ACSF3: variants seen among roughly 807,000 people sequenced by gnomAD.
ACSF3 encodes acyl-CoA synthetase family member 3.
ACSF3 carries 78 observed loss-of-function variants against 53.2 expected under a neutral mutation model. That is an observed-to-expected ratio of 1.47 (90% confidence interval 1.22 to 1.77). ACSF3 has a LOEUF of 1.77. ACSF3 is among the 40% of genes most tolerant of loss of function. The probability of loss-of-function intolerance (pLI) is 0.00; values close to 1 mark genes in which losing one functional copy is unlikely to be tolerated. For synonymous variants in ACSF3, 414 were observed against 333.1 expected, an observed-to-expected ratio of 1.24 and a Z score of -2.65; for missense variants, 937 against 771.1, an observed-to-expected ratio of 1.22 and a Z score of -2.55.
At chr16:89,134,575 T>C (rs1910031771) in intron 8 of ACSF3, among the ~76,000 whole-genome samples, 1 of 152,058 alleles carries the variant, frequency 6.6e-6, no homozygotes. Flanking sequence ...GAGAGTGTAG[T>C]TGCAAGATTT....
chr16:89,132,713 T>C (rs1227417028), intron 7 of ACSF3, among the ~76,000 whole-genome samples: 2 of 152,268 alleles, frequency 1.3e-5, no homozygotes, highest in African/African-American at 4.8e-5. Flanking sequence ...CCCGCTGCTG[T>C]GTTCCCTGGT....
intron 4 of ACSF3, among the ~76,000 whole-genome samples, chr16:89,106,567 C>T (rs1008830260): frequency 3.3e-5 from 5 of 152,228 alleles, no homozygotes; most frequent in Non-Finnish European, 7.3e-5. Context: ...GCTGGGATTA[C>T]AGACGTAAGC....
At chr16:89,148,063 G>A (rs1469097438) in intron 10 of ACSF3, 1 of 151,808 alleles carries the variant, frequency 6.6e-6, no homozygotes, top group Non-Finnish European at 1.5e-5. Context: ...AACCTAGCAA[G>A]GCAGTCACTG....
At chr16:89,118,537 G>A (rs1905776695) in intron 6 of ACSF3, among the ~76,000 whole-genome samples, 1 of 146,774 alleles carries the variant, frequency 6.8e-6, no homozygotes, top group South Asian at 2.2e-4. Context: ...TGGCCTCGCT[G>A]CTCAGTGCAC....
intron 4 of ACSF3, among the ~76,000 whole-genome samples, chr16:89,106,102 G>A (rs1046125484): frequency 1.3e-5 from 2 of 152,192 alleles, no homozygotes; most frequent in Non-Finnish European, 2.9e-5. Context: ...GTCTGCCCAG[G>A]GATTTCTGCT....
At chr16:89,131,127 C>CTTTT (rs558773398) in intron 7 of ACSF3, among the ~76,000 whole-genome samples, 71 of 69,536 alleles carry the variant, frequency 1.0e-3, no homozygotes, top group Non-Finnish European at 1.2e-3. Context: ...TTTTCTTTTT[C>CTTTT]TTTTTTTTTT....
chr16:89,102,753 T>G lies in ACSF3; in HGVS notation c.816T>G (p.Pro272=), dbSNP rs1321795303. The change falls in exon 4 of 11, where the codon CCT becomes CCG. Residue 272 remains proline, a synonymous_variant. Coordinates refer to ENST00000614302, the MANE Select transcript of ACSF3 (RefSeq NM_001243279.3). ...GTGTGATGATGCCTGAGTTCAGCCC[T>G]CAGCAGGTGAGTTGGGGTCAGGGCT... is the stretch of plus-strand genomic sequence containing the variant. ...ATCVMMPEFS[P]QQVWEKFLSS... The G allele has an allele frequency of 6.2e-7, 1 of 1,612,510 alleles. No homozygotes were observed. The highest frequency in any genetic ancestry group is 8.5e-7 in the Non-Finnish European group (1 of 1,180,014).
chr16:89,112,088 G>C lies in ACSF3; in HGVS notation c.823-4G>C, dbSNP rs558325262. The C allele has an allele frequency of 3.0e-4, 482 of 1,613,918 alleles. 2 individuals carry two copies. Among genetic ancestry groups the C allele is most frequent in the South Asian group, 2.0e-3 (183 of 91,078 alleles). ...TCCTACCGAGTGCTTCCTTTCCTTC[G>C]TAGGTTTGGGAAAAGTTCTTAAGTT... On this transcript the variant is annotated splice_polypyrimidine_tract_variant and splice_region_variant and intron_variant, in intron 4 of 10. Transcript: ENST00000614302.
rs1374142112 is a variant in ACSF3 at position 89,138,065 on chromosome 16, A to G, written c.1366+4803A>G. Among the ~76,000 whole-genome samples, 6 of 152,166 alleles carry G rather than the reference A, an allele frequency of 3.9e-5. No individual in the cohort carries two copies. The South Asian group carries it at 1.2e-3, about 32-fold the overall frequency. ...GGGACTCACTGGCCTCAAGAAGCGA[A>G]AATCAGAGGGACAGCAGCCCCAGCC... On this transcript the variant is annotated intron_variant, in intron 8 of 10. Transcript: ENST00000614302.
intron 7 of ACSF3, among the ~76,000 whole-genome samples, chr16:89,124,107 GCCTAGTGTGCGCATGGGTA>G (rs1907384733): frequency 7.3e-6 from 1 of 137,360 alleles, no homozygotes; most frequent in Non-Finnish European, 1.6e-5. Flanking sequence ...TCACACACAT[GCCTAGTGTGCGCATGGGTA>G]TCACACACAT....
At chr16:89,129,010 T>C (rs1205918304) in intron 7 of ACSF3, among the ~76,000 whole-genome samples, 1 of 152,058 alleles carries the variant, frequency 6.6e-6, no homozygotes, top group Admixed American at 6.6e-5. Context: ...TACATGCCTT[T>C]GGTCCCAGCT....
At chr16:89,145,453 C>T in intron 9 of ACSF3, 52 bp downstream of exon 9, 3 of 1,606,714 alleles carry the variant, frequency 1.9e-6, no homozygotes, top group Non-Finnish European at 1.7e-6. Context: ...GTGCTGCCTT[C>T]CATGTTTGAG....
rs571343389 is a variant in ACSF3 at position 89,126,054 on chromosome 16, G to A, written c.1239+5141G>A. Reference sequence around the variant, plus strand: ...TCCATTTACATAGATCTGTGAACACGGTCTGTCTCTCCATTTACTTAGATC... The same window carrying A: ...TCCATTTACATAGATCTGTGAACACAGTCTGTCTCTCCATTTACTTAGATC... On this transcript the variant is annotated intron_variant, in intron 7 of 10. Transcript: ENST00000614302. Among the ~76,000 whole-genome samples the A allele has an allele frequency of 1.8e-4, 28 of 152,296 alleles. No homozygotes were observed. The South Asian group carries it at 3.3e-3, about 18-fold the overall frequency.
chr16:89,138,152 C>T (rs555739315), intron 8 of ACSF3, among the ~76,000 whole-genome samples: 138 of 152,288 alleles, frequency 9.1e-4, no homozygotes, highest in Middle Eastern at 3.4e-3. Context: ...AAGTGGGGAC[C>T]GGCAGTGTCG....
At chr16:89,139,102 T>C (rs11076770) in intron 8 of ACSF3, among the ~76,000 whole-genome samples, 30,843 of 152,172 alleles carry the variant, frequency 0.2, 3,560 homozygotes, top group East Asian at 0.39. Flanking sequence ...CAGTCCCGTA[T>C]GGCATCTGCA....
intron 6 of ACSF3, among the ~76,000 whole-genome samples, chr16:89,120,536 G>A (rs567294903): frequency 5.1e-4 from 78 of 152,384 alleles, no homozygotes; most frequent in African/African-American, 1.8e-3. Flanking sequence ...AGCGTGCCAC[G>A]TGAGTGCCTG....
chr16:89,136,852 C>T (rs577275861), intron 8 of ACSF3: 16 of 1,280,706 alleles, frequency 1.2e-5, no homozygotes, highest in South Asian at 3.7e-5. Flanking sequence ...ACGGCCACAA[C>T]GATGTCTTCA....
chr16:89,138,096 G>C (rs550666159), intron 8 of ACSF3, among the ~76,000 whole-genome samples: 1 of 152,158 alleles, frequency 6.6e-6, no homozygotes, highest in African/African-American at 2.4e-5. Flanking sequence ...CAGCCGCCGG[G>C]GATTCCCTGT....
intron 8 of ACSF3, chr16:89,136,656 G>A (rs1046734337): frequency 8.5e-6 from 11 of 1,287,208 alleles, no homozygotes; most frequent in African/African-American, 1.5e-5. Context: ...GCTCCCCAAC[G>A]GCCTCCTCCG....
Sources: gnomAD v4.1 joint callset for allele counts (sites outside exome capture counted in the v4.1 genomes callset) on GRCh38, gnomAD v4.1.1 for gene constraint, MANE v1.5 for transcripts, NCBI Gene and HGNC (gene_info 2026-07-23, HGNC 2026-07-21) for gene names.